MEIS2: variants seen among roughly 807,000 people sequenced by gnomAD.
MEIS2 encodes Meis homeobox 2.
In MEIS2, 9 loss-of-function variants were observed where a neutral mutation model predicts 58.6. The observed-to-expected ratio is 0.15, with a 90% CI of 0.09 to 0.27. The LOEUF (loss-of-function observed/expected upper bound fraction) is 0.27, where lower values mean the gene tolerates loss of function less well. Ranked by LOEUF, MEIS2 falls within the 10% of genes least tolerant of loss-of-function variation. The pLI is 1.00. For missense variants in MEIS2, 427 were observed against 635.0 expected, an observed-to-expected ratio of 0.67 and a Z score of 3.52; for synonymous variants, 221 against 228.4, an observed-to-expected ratio of 0.97 and a Z score of 0.29.
At chr15:36,907,717 A>G (rs1490979656) in intron 9 of MEIS2, among the ~76,000 whole-genome samples, 1 of 152,226 alleles carries the variant, frequency 6.6e-6, no homozygotes, top group Non-Finnish European at 1.5e-5. Context: ...TTTTAAAGGG[A>G]ACCATAAGTG....
At chr15:36,917,660 A>G (rs531764559) in intron 9 of MEIS2, among the ~76,000 whole-genome samples, 7 of 152,334 alleles carry the variant, frequency 4.6e-5, no homozygotes, top group Admixed American at 2.0e-4. Context: ...TTTTATCTCC[A>G]ATCATACTCT....
At chr15:36,950,079 T>C (rs375619693) in intron 9 of MEIS2, among the ~76,000 whole-genome samples, 8 of 150,268 alleles carry the variant, frequency 5.3e-5, no homozygotes, top group African/African-American at 1.7e-4. Flanking sequence ...AGAGGAAGAG[T>C]GATAGAGAAG....
chr15:37,039,045 A>C (rs1342375647), intron 7 of MEIS2, among the ~76,000 whole-genome samples: 1 of 152,206 alleles, frequency 6.6e-6, no homozygotes, highest in Non-Finnish European at 1.5e-5. Context: ...GAGAGTGGCT[A>C]TTAGGAGCCA....
chr15:37,057,817 G>A (rs571096597), intron 7 of MEIS2, among the ~76,000 whole-genome samples: 1 of 152,132 alleles, frequency 6.6e-6, no homozygotes, highest in Non-Finnish European at 1.5e-5. Flanking sequence ...ACAGGGTAAA[G>A]AGAGTAATCA....
chr15:36,903,911 A>G (rs1215067078), intron 9 of MEIS2: 1 of 152,218 alleles, frequency 6.6e-6, no homozygotes, highest in Non-Finnish European at 1.5e-5. Flanking sequence ...TATGTATTAG[A>G]TATGTTTGAA....
chr15:36,968,832 A>C (rs911999736), intron 8 of MEIS2, among the ~76,000 whole-genome samples: 1 of 152,192 alleles, frequency 6.6e-6, no homozygotes, highest in Non-Finnish European at 1.5e-5. Context: ...AAGGTTCTCA[A>C]TAAAATGAAC....
chr15:36,940,092 G>T (rs774161636), intron 9 of MEIS2, among the ~76,000 whole-genome samples: 7 of 152,198 alleles, frequency 4.6e-5, no homozygotes, highest in Non-Finnish European at 1.0e-4. Flanking sequence ...ACTGGTTGCT[G>T]AGATGGAACC....
chr15:36,913,666 T>C (rs892430168), intron 9 of MEIS2, among the ~76,000 whole-genome samples: 1 of 152,150 alleles, frequency 6.6e-6, no homozygotes, highest in Non-Finnish European at 1.5e-5. Context: ...TACACACATA[T>C]GCACCTATTT....
At chr15:36,915,639 C>T (rs969446711) in intron 9 of MEIS2, among the ~76,000 whole-genome samples, 1 of 152,136 alleles carries the variant, frequency 6.6e-6, no homozygotes, top group African/African-American at 2.4e-5. Context: ...AGTGCCCAAC[C>T]CACTCCTCCT....
At chr15:37,079,210 T>C (rs1210859091) in intron 7 of MEIS2, among the ~76,000 whole-genome samples, 2 of 152,118 alleles carry the variant, frequency 1.3e-5, no homozygotes, top group Non-Finnish European at 2.9e-5. Context: ...TTATCAATTA[T>C]AGTCTCACAG....
At position 37,098,211 on chromosome 15, in the gene MEIS2, C is replaced by G. The variant is rs780363199; in HGVS notation, c.13-12G>C. Reference sequence around the variant, plus strand: ...GGCAGCTCATCGTACTGTCAGAACCCGGGAAGGGGGAGGGGGCGCAGGAGG... The same window carrying G: ...GGCAGCTCATCGTACTGTCAGAACCGGGGAAGGGGGAGGGGGCGCAGGAGG... On this transcript the variant is annotated splice_polypyrimidine_tract_variant and intron_variant, in intron 1 of 11. Coordinates refer to ENST00000561208, the MANE Select transcript of MEIS2 (RefSeq NM_170675.5). 1 of 1,563,596 alleles carries G rather than the reference C, an allele frequency of 6.4e-7. No homozygotes were observed. The highest frequency in any genetic ancestry group is 1.8e-5 in the Admixed American group (1 of 57,064).
chr15:36,901,943 T>TA (rs1309096035), intron 9 of MEIS2, among the ~76,000 whole-genome samples: 1 of 152,226 alleles, frequency 6.6e-6, no homozygotes, highest in Admixed American at 6.5e-5. Flanking sequence ...ACTCCAGACT[T>TA]ATGCATAGAG....
intron 7 of MEIS2, among the ~76,000 whole-genome samples, chr15:37,058,551 T>C (rs1209456203): frequency 6.6e-6 from 1 of 152,142 alleles, no homozygotes; most frequent in Admixed American, 6.6e-5. Flanking sequence ...CGGCAGACAC[T>C]CAGTTGTCAA....
At chr15:36,963,521 G>T (rs2059259417) in intron 8 of MEIS2, among the ~76,000 whole-genome samples, 1 of 152,200 alleles carries the variant, frequency 6.6e-6, no homozygotes, top group South Asian at 2.1e-4. Flanking sequence ...ATTTGTAGGT[G>T]TAAAATTTTC....
At chr15:37,008,828 T>G (rs950766719) in intron 8 of MEIS2, among the ~76,000 whole-genome samples, 4 of 152,134 alleles carry the variant, frequency 2.6e-5, no homozygotes, top group African/African-American at 9.7e-5. Flanking sequence ...AGAAACGACA[T>G]TTTGTGCTGC....
rs545622275 is a variant in MEIS2 at position 36,958,799 on chromosome 15, A to C, written c.901-8399T>G. ...ACATGGCTAATGGGTAATCTTACTA[A>C]ATGAGCCAAAAGCCACAAATAAGGC... On this transcript the variant is annotated intron_variant, in intron 8 of 11. Transcript: ENST00000561208. Among the ~76,000 whole-genome samples, 5 of 152,308 alleles carry C rather than the reference A, an allele frequency of 3.3e-5. No individual in the cohort carries two copies. In the South Asian group the frequency reaches 1.0e-3, roughly 32 times the overall value.
chr15:37,022,216 T>C (rs1244543033), intron 8 of MEIS2, among the ~76,000 whole-genome samples: 1 of 152,166 alleles, frequency 6.6e-6, no homozygotes, highest in East Asian at 1.9e-4. Context: ...AAAGACCATG[T>C]CAACTTTTAT....
chr15:37,062,763 C>T (rs1014148580), intron 7 of MEIS2, among the ~76,000 whole-genome samples: 49 of 152,282 alleles, frequency 3.2e-4, no homozygotes, highest in African/African-American at 1.1e-3. Context: ...CTGTTGAATT[C>T]TGTTATGTGC....
At chr15:37,069,053 G>A (rs928159205) in intron 7 of MEIS2, among the ~76,000 whole-genome samples, 3 of 152,044 alleles carry the variant, frequency 2.0e-5, no homozygotes, top group African/African-American at 4.8e-5. Context: ...CGTTAGCCAG[G>A]GCCCAATTTC....
Sources: gnomAD v4.1 joint callset for allele counts (sites outside exome capture counted in the v4.1 genomes callset) on GRCh38, gnomAD v4.1.1 for gene constraint, MANE v1.5 for transcripts, NCBI Gene and HGNC (gene_info 2026-07-23, HGNC 2026-07-21) for gene names.